KLHL1: variants seen among roughly 807,000 people sequenced by gnomAD.
KLHL1 encodes the protein kelch-like protein 1.
KLHL1 carries 47 observed loss-of-function variants against 77.7 expected under a neutral mutation model. The ratio of observed to expected loss-of-function variants is 0.60; its 90% CI spans 0.48 to 0.77. The LOEUF is 0.77. Ranked by LOEUF, KLHL1 falls within the 30% of genes least tolerant of loss-of-function variation. The probability of loss-of-function intolerance (pLI) is 0.00; values close to 1 mark genes in which losing one functional copy is unlikely to be tolerated. For synonymous variants in KLHL1, 360 were observed against 325.2 expected (o/e 1.11, Z -1.15); for missense variants, 925 against 910.8 (o/e 1.02, Z -0.20).
At position 69,814,200 on chromosome 13, in the gene KLHL1, A is replaced by G. The variant is rs374009118; in HGVS notation, c.1415-17238T>C. ...GAACACAGGCTTACCATACGCAGAA[A>G]AATGAAACTGCACTCCTACCTCTCC... On this transcript the variant is annotated intron_variant, in intron 6 of 10. Coordinates refer to ENST00000377844, the MANE Select transcript of KLHL1 (RefSeq NM_020866.3). 1.6e-4 allele frequency among the ~76,000 whole-genome samples: 25 copies of G among 152,286 alleles called. No individual in the cohort carries two copies. In the East Asian group the frequency reaches 4.4e-3, roughly 27 times the overall value.
In KLHL1 at chr13:69,810,421, A is replaced by G. The variant is rs141465420; in HGVS notation, c.1415-13459T>C. 3.5e-3 allele frequency among the ~76,000 whole-genome samples: 528 copies of G among 152,246 alleles called. 3 individuals carry two copies. Among genetic ancestry groups the G allele is most frequent in the Middle Eastern group, 0.01 (3 of 294 alleles). ...CATACGAATACATGTATATTAAACA[A>G]CTTGCCCCTGAATGACTTTTGGTTA... On this transcript the variant is annotated intron_variant, in intron 6 of 10. Coordinates refer to ENST00000377844, the MANE Select transcript of KLHL1 (RefSeq NM_020866.3).
chr13:70,071,041 T>C (rs866150570), intron 1 of KLHL1, among the ~76,000 whole-genome samples: 27 of 151,962 alleles, frequency 1.8e-4, no homozygotes, highest in African/African-American at 6.5e-4. Context: ...GTTACAAACA[T>C]GGTAGGTAGA....
chr13:70,074,351 C>T (rs1887210359), intron 1 of KLHL1, among the ~76,000 whole-genome samples: 2 of 151,972 alleles, frequency 1.3e-5, no homozygotes, highest in South Asian at 4.1e-4. Flanking sequence ...TAAGGTGATG[C>T]CATTTGGGCT....
intron 7 of KLHL1, among the ~76,000 whole-genome samples, chr13:69,765,933 T>A (rs1875280083): frequency 6.6e-6 from 1 of 152,194 alleles, no homozygotes; most frequent in Non-Finnish European, 1.5e-5. Context: ...GTTATTGCTA[T>A]TTTGGATTTT....
intron 1 of KLHL1, among the ~76,000 whole-genome samples, chr13:70,003,052 T>C (rs1479733498): frequency 6.6e-6 from 1 of 151,544 alleles, no homozygotes; most frequent in East Asian, 1.9e-4. Context: ...AATTAACAAT[T>C]AAAAGACTAA....
At position 69,719,409 on chromosome 13, in the gene KLHL1, C is replaced by T; in HGVS notation, c.1975G>A (p.Ala659Thr). ...LYAVGGHDAP[A>T]SNHCSRLLDY... is the part of the protein sequence containing the mutation. ...AGTAGCCGGGAACAGTGATTTGAAG[C>T]AGGAGCATCATGACCTCCTACTGCA... Residue 659 changes from alanine to threonine, a missense_variant, in exon 9 of 11, where the codon GCT (alanine) becomes ACT (threonine). By Grantham distance (58) the Ala-to-Thr change is moderately conservative. Coordinates refer to ENST00000377844, the MANE Select transcript of KLHL1 (RefSeq NM_020866.3). 6.2e-7 allele frequency: 1 copy of T among 1,613,476 alleles called. No individual in the cohort carries two copies.
intron 4 of KLHL1, among the ~76,000 whole-genome samples, chr13:69,904,664 CACAG>C (rs1881989511): frequency 1.3e-5 from 2 of 152,124 alleles, no homozygotes; most frequent in African/African-American, 2.4e-5. Flanking sequence ...AAAACTCAAA[CACAG>C]ACAATTTAAG....
chr13:69,761,908 T>G (rs560160230), intron 7 of KLHL1, among the ~76,000 whole-genome samples: 1 of 152,288 alleles, frequency 6.6e-6, no homozygotes, highest in East Asian at 1.9e-4. Flanking sequence ...TGTTCTAAAT[T>G]GCTAAGATGG....
intron 5 of KLHL1, among the ~76,000 whole-genome samples, chr13:69,857,793 G>T (rs1879979364): frequency 6.6e-6 from 1 of 151,670 alleles, no homozygotes; most frequent in African/African-American, 2.4e-5. Context: ...GGCTAGGAAA[G>T]AACATTAGAA....
intron 1 of KLHL1, among the ~76,000 whole-genome samples, chr13:70,003,517 G>A (rs779670870): frequency 6.6e-6 from 1 of 151,744 alleles, no homozygotes; most frequent in African/African-American, 2.4e-5. Context: ...TGTGCAAAAT[G>A]TCATATTCAC....
At chr13:70,075,588 T>TATATATACAC (rs1221350719) in intron 1 of KLHL1, among the ~76,000 whole-genome samples, 1 of 122,006 alleles carries the variant, frequency 8.2e-6, no homozygotes, top group African/African-American at 3.1e-5. Flanking sequence ...TATATATATA[T>TATATATACAC]ACACACACAC....
intron 1 of KLHL1, among the ~76,000 whole-genome samples, chr13:69,980,202 C>T (rs544315994): frequency 1.3e-5 from 2 of 152,300 alleles, no homozygotes; most frequent in South Asian, 4.1e-4. Flanking sequence ...ACATCGGAAT[C>T]CGACAAATAA....
chr13:69,949,602 C>T (rs1883640979), intron 3 of KLHL1, among the ~76,000 whole-genome samples: 1 of 151,746 alleles, frequency 6.6e-6, no homozygotes, highest in Admixed American at 6.6e-5. Flanking sequence ...GCACAGCCTA[C>T]ACTTACGGAG....
At chr13:70,086,335 C>A (rs1887536474) in intron 1 of KLHL1, among the ~76,000 whole-genome samples, 2 of 151,144 alleles carry the variant, frequency 1.3e-5, no homozygotes, top group Non-Finnish European at 2.9e-5. Flanking sequence ...GTAATCCCAG[C>A]ACTTTGGGAG....
intron 6 of KLHL1, among the ~76,000 whole-genome samples, chr13:69,816,603 AC>A (rs1396019355): frequency 6.6e-6 from 1 of 152,094 alleles, no homozygotes. Flanking sequence ...TAAATGTTCT[AC>A]CATAAATATT....
chr13:69,815,839 A>G (rs1878097404), intron 6 of KLHL1, among the ~76,000 whole-genome samples: 1 of 152,220 alleles, frequency 6.6e-6, no homozygotes, highest in Non-Finnish European at 1.5e-5. Context: ...GTACATTTTA[A>G]TAAATATATA....
At chr13:69,933,804 A>C (rs189282325) in intron 4 of KLHL1, among the ~76,000 whole-genome samples, 1 of 152,106 alleles carries the variant, frequency 6.6e-6, no homozygotes, top group East Asian at 1.9e-4. Flanking sequence ...GGGGGAAAAA[A>C]AAATACTTGA....
intron 4 of KLHL1, among the ~76,000 whole-genome samples, chr13:69,921,407 T>C (rs1882627962): frequency 6.6e-6 from 1 of 152,228 alleles, no homozygotes; most frequent in African/African-American, 2.4e-5. Flanking sequence ...GCATTTGCTA[T>C]ATAAATGTTG....
rs182026438 is a variant in KLHL1 at position 69,989,557 on chromosome 13, G to A, written c.498-13755C>T. Among the ~76,000 whole-genome samples the A allele has an allele frequency of 8.8e-3, 1,334 of 151,948 alleles. 12 individuals are homozygous for A. The highest frequency in any genetic ancestry group is 0.012 in the Non-Finnish European group (823 of 67,942). On this transcript the variant is annotated intron_variant, in intron 1 of 10. Transcript: ENST00000377844. ...TCTATAAATTGCTTTGGGCAGTATG[G>A]CCTTTTTAATAATATTGATTCTTCC...
Sources: allele counts gnomAD v4.1 joint callset (sites outside exome capture counted in the v4.1 genomes callset), GRCh38; gene constraint gnomAD v4.1.1; transcripts MANE v1.5; gene names NCBI Gene and HGNC (gene_info 2026-07-23, HGNC 2026-07-21).